Variants in VWA3B observed in about 807,000 individuals in gnomAD.
VWA3B encodes von Willebrand factor A domain containing 3B.
In VWA3B, 138 loss-of-function variants were observed where a neutral mutation model predicts 158.3. The observed-to-expected ratio is 0.87, with a 90% CI of 0.76 to 1.00. The LOEUF is 1.00. Ranked by LOEUF, VWA3B falls within the 50% of genes least tolerant of loss-of-function variation. The probability of loss-of-function intolerance (pLI) is 0.00; values close to 1 mark genes in which losing one functional copy is unlikely to be tolerated. For synonymous variants in VWA3B, 596 were observed against 587.3 expected (o/e 1.01, Z -0.21); for missense variants, 1,555 against 1,565.1 (o/e 0.99, Z 0.11).
At chr2:98,304,656 C>T (rs569647494) in intron 26 of VWA3B, among the ~76,000 whole-genome samples, 1 of 152,286 alleles carries the variant, frequency 6.6e-6, no homozygotes, top group East Asian at 1.9e-4. Flanking sequence ...CTTCCTTTCA[C>T]CCCAGGCTGA....
chr2:98,245,130 T>G (rs1278180026), intron 19 of VWA3B, among the ~76,000 whole-genome samples: 1 of 152,236 alleles, frequency 6.6e-6, no homozygotes, highest in Admixed American at 6.5e-5. Flanking sequence ...TAAGCCTCCC[T>G]TAAATCAAAT....
intron 5 of VWA3B, among the ~76,000 whole-genome samples, chr2:98,127,765 G>A (rs767125372): frequency 5.9e-5 from 9 of 152,154 alleles, no homozygotes; most frequent in Non-Finnish European, 1.2e-4. Context: ...CTGCTTAGGT[G>A]AGCCCAGAGG....
chr2:98,297,518 A>G (rs967142594), intron 23 of VWA3B, among the ~76,000 whole-genome samples: 1 of 152,206 alleles, frequency 6.6e-6, no homozygotes, highest in African/African-American at 2.4e-5. Context: ...AACAACATGT[A>G]TTTTCTATCT....
intron 20 of VWA3B, among the ~76,000 whole-genome samples, chr2:98,252,309 T>G (rs1686850066): frequency 6.6e-6 from 1 of 152,186 alleles, no homozygotes; most frequent in Non-Finnish European, 1.5e-5. Flanking sequence ...CTATTCAAAT[T>G]TAATTCAAAT....
intron 19 of VWA3B, among the ~76,000 whole-genome samples, chr2:98,244,651 G>C (rs933142378): frequency 6.6e-6 from 1 of 151,868 alleles, no homozygotes; most frequent in African/African-American, 2.4e-5. Context: ...TGATTATTTG[G>C]GACATGTTTT....
At chr2:98,155,591 C>CA (rs1422619616) in intron 7 of VWA3B, among the ~76,000 whole-genome samples, 5 of 152,164 alleles carry the variant, frequency 3.3e-5, no homozygotes, top group African/African-American at 1.2e-4. Context: ...GTTTAAGTTC[C>CA]CAGCACGGTG....
chr2:98,194,982 C>A (rs1385458441), intron 12 of VWA3B, among the ~76,000 whole-genome samples: 1 of 152,194 alleles, frequency 6.6e-6, no homozygotes, highest in Non-Finnish European at 1.5e-5. Context: ...AAGGTGAAAT[C>A]ATTTCCTCAG....
chr2:98,308,330 A>G (rs1284791588), intron 26 of VWA3B, among the ~76,000 whole-genome samples: 1 of 152,160 alleles, frequency 6.6e-6, no homozygotes, highest in Non-Finnish European at 1.5e-5. Context: ...GAGGGAAATA[A>G]CTGCTCTTCC....
At chr2:98,192,708 G>A (rs1012170387) in intron 10 of VWA3B, among the ~76,000 whole-genome samples, 190 bp from the exon 11 acceptor site, 3 of 152,198 alleles carry the variant, frequency 2.0e-5, no homozygotes, top group African/African-American at 7.2e-5. Context: ...ATGGTGGGTA[G>A]TGCATCCTAC....
At chr2:98,178,465 A>C (rs943415065) in intron 8 of VWA3B, among the ~76,000 whole-genome samples, 1 of 152,234 alleles carries the variant, frequency 6.6e-6, no homozygotes, top group African/African-American at 2.4e-5. Flanking sequence ...TGGCTCTAAC[A>C]TGATTTATGT....
At chr2:98,200,906 G>T (rs768669109) in intron 12 of VWA3B, among the ~76,000 whole-genome samples, 1 of 152,196 alleles carries the variant, frequency 6.6e-6, no homozygotes, top group Non-Finnish European at 1.5e-5. Flanking sequence ...TCTCTCCGTG[G>T]AATTACTATT....
At position 98,312,409 on chromosome 2, in the gene VWA3B, A is replaced by G. The variant is rs1010611469; in HGVS notation, c.*60A>G. The G allele has an allele frequency of 6.5e-6, 10 of 1,541,858 alleles. No individual in the cohort carries two copies. Among genetic ancestry groups the G allele is most frequent in the South Asian group, 2.5e-5 (2 of 79,492 alleles). ...CGTCCTTCCAGGCTGTTCAGACCTC[A>G]GCGTTGACACTGAAACTGGCCCCTC... On this transcript the variant is annotated 3_prime_UTR_variant, in exon 28 of 28. Transcript: ENST00000477737.
intron 23 of VWA3B, 30 bp from the exon 24 acceptor site, chr2:98,297,876 TA>T (rs774919938): frequency 6.8e-7 from 1 of 1,469,442 alleles, no homozygotes; most frequent in East Asian, 2.6e-5. Flanking sequence ...TATTTGTCTT[TA>T]TATTTTATGT....
intron 7 of VWA3B, among the ~76,000 whole-genome samples, chr2:98,158,343 C>T (rs1202966166): frequency 1.3e-5 from 2 of 152,174 alleles, no homozygotes; most frequent in Non-Finnish European, 2.9e-5. Context: ...TGCCCGAGCA[C>T]TGCAGGAGAG....
At chr2:98,107,631 C>A (rs957207935) in intron 2 of VWA3B, among the ~76,000 whole-genome samples, 1 of 152,000 alleles carries the variant, frequency 6.6e-6, no homozygotes, top group Admixed American at 6.6e-5. Context: ...GGATTTAATT[C>A]ATTTCATCCA....
At position 98,312,520 on chromosome 2, in the gene VWA3B, C is replaced by A; in HGVS notation, c.*171C>A. 1 of 783,280 alleles carries A rather than the reference C, an allele frequency of 1.3e-6. No individual in the cohort carries two copies. Among genetic ancestry groups the A allele is most frequent in the Non-Finnish European group, 1.9e-6 (1 of 521,064 alleles). 48.5% of individuals were successfully genotyped at this position (783,280 alleles called of 1,614,324 possible). A position where few individuals can be genotyped will look rare whatever the true frequency, so the allele number is the denominator to read the frequency against. On this transcript the variant is annotated 3_prime_UTR_variant, in exon 28 of 28. Transcript: ENST00000477737. ...TCTCCCCTCCATCCCTGCTGCCTCCCCTACCCGTTTGACGACTTGGTTCTG... is the reference window on the plus strand; with the variant it reads ...TCTCCCCTCCATCCCTGCTGCCTCCACTACCCGTTTGACGACTTGGTTCTG...
intron 9 of VWA3B, among the ~76,000 whole-genome samples, chr2:98,181,671 C>T (rs894512686): frequency 6.6e-6 from 1 of 152,200 alleles, no homozygotes; most frequent in Non-Finnish European, 1.5e-5. Context: ...GAGTCAGATC[C>T]TCCAAAGGGC....
chr2:98,303,625 T>G, intron 25 of VWA3B, 77 bp from the exon 26 acceptor site: 216 of 1,359,902 alleles, frequency 1.6e-4, no homozygotes, highest in Non-Finnish European at 2.0e-4. Context: ...TATAATGGGT[T>G]GAGCTAGAAT....
chr2:98,094,164 T>G (rs1682552608), intron 2 of VWA3B, among the ~76,000 whole-genome samples: 1 of 152,218 alleles, frequency 6.6e-6, no homozygotes, highest in African/African-American at 2.4e-5. Flanking sequence ...TATCCAGTAG[T>G]GGGATTGCTG....
Sources: gnomAD v4.1 joint callset for allele counts (sites outside exome capture counted in the v4.1 genomes callset) on GRCh38, gnomAD v4.1.1 for gene constraint, MANE v1.5 for transcripts, NCBI Gene and HGNC (gene_info 2026-07-23, HGNC 2026-07-21) for gene names.